Variants in NPFFR1 observed in about 807,000 individuals in gnomAD.
NPFFR1 encodes neuropeptide FF receptor 1, also known as G-protein coupled receptor 147.
A neutral mutation model predicts 12.7 loss-of-function variants in NPFFR1; 17 were observed. That is an observed-to-expected ratio of 1.34 (90% confidence interval 0.92 to 2.01). The LOEUF (loss-of-function observed/expected upper bound fraction) is 2.01, where lower values mean the gene tolerates loss of function less well. Ranked by LOEUF, NPFFR1 falls within the 30% of genes most tolerant of loss-of-function variation. NPFFR1 has a pLI of 0.00. For missense variants in NPFFR1, 604 were observed against 606.5 expected (o/e 1.00, Z 0.04); for synonymous variants, 296 against 264.5 (o/e 1.12, Z -1.16).
chr10:70,282,165 T>C (rs1840870510), intron 1 of NPFFR1, among the ~76,000 whole-genome samples: 1 of 152,224 alleles, frequency 6.6e-6, no homozygotes, highest in Non-Finnish European at 1.5e-5. Flanking sequence ...AGTGAGCTCA[T>C]TGTAGGTAAC....
intron 1 of NPFFR1, among the ~76,000 whole-genome samples, chr10:70,279,229 C>A (rs1840834658): frequency 6.6e-6 from 1 of 152,140 alleles, no homozygotes; most frequent in Non-Finnish European, 1.5e-5. Context: ...TCACTGCAAC[C>A]TCCGCCTCCC....
At chr10:70,266,049 A>G (rs761112690) in intron 2 of NPFFR1, 28 bp downstream of exon 2, 2 of 1,599,758 alleles carry the variant, frequency 1.3e-6, no homozygotes, top group African/African-American at 1.3e-5. Flanking sequence ...GGTAGGGGAC[A>G]CTCCTGCTGC....
At chr10:70,275,432 A>G (rs1564597435) in intron 1 of NPFFR1, among the ~76,000 whole-genome samples, 1 of 152,200 alleles carries the variant, frequency 6.6e-6, no homozygotes, top group Non-Finnish European at 1.5e-5. Context: ...AAGGGGAGGC[A>G]GGGATTTCCC....
At chr10:70,272,679 G>A (rs1840762880) in intron 1 of NPFFR1, among the ~76,000 whole-genome samples, 1 of 152,216 alleles carries the variant, frequency 6.6e-6, no homozygotes, top group African/African-American at 2.4e-5. Context: ...TATTCAATAA[G>A]GGCCAGAGCA....
At chr10:70,269,582 G>C (rs1424445936) in intron 1 of NPFFR1, among the ~76,000 whole-genome samples, 1 of 149,434 alleles carries the variant, frequency 6.7e-6, no homozygotes, top group Non-Finnish European at 1.5e-5. Flanking sequence ...TTCGATCTTG[G>C]CTCACTGCAA....
At chr10:70,260,515 G>A (rs1840620493) in intron 3 of NPFFR1, 125 bp downstream of exon 3, 1 of 857,270 alleles carries the variant, frequency 1.2e-6, no homozygotes, top group East Asian at 2.7e-5. Context: ...TTGTGGCTCA[G>A]GATTTAGCCC....
In NPFFR1 at chr10:70,255,274, G is replaced by A; in HGVS notation, c.976C>T (p.Pro326Ser). 5 of 1,578,060 alleles carry A rather than the reference G, an allele frequency of 3.2e-6. No homozygotes were observed. In the South Asian group the frequency reaches 5.7e-5, roughly 18 times the overall value. ...WLAFFNSSAN[P>S]IIYGYFNENF... ...TCGTTGAAGTAGCCGTAGATGATGG[G>A]GTTGGCGCTGCTGTTGAAGAAGGCC... Residue 326 changes from proline (P) to serine (S), a missense_variant, in exon 4 of 4, where the codon CCC becomes TCC. By Grantham distance (74) the Pro-to-Ser change is moderately conservative. Coordinates refer to ENST00000277942, the MANE Select transcript of NPFFR1 (RefSeq NM_022146.5). This position sits in a 1 kb window ranked among gnomAD's most constrained non-coding sequence, Gnocchi z 4.2.
intron 3 of NPFFR1, among the ~76,000 whole-genome samples, chr10:70,256,427 A>C (rs1200837672): frequency 2.0e-5 from 3 of 152,194 alleles, no homozygotes; most frequent in Non-Finnish European, 4.4e-5. Flanking sequence ...CAGCTAGCAG[A>C]GCGATCAGAG....
intron 1 of NPFFR1, among the ~76,000 whole-genome samples, chr10:70,280,154 G>A (rs1840844402): frequency 6.6e-6 from 1 of 152,142 alleles, no homozygotes. Flanking sequence ...TGATTCCATA[G>A]CCTGGCTATT....
chr10:70,266,311 G>C lies in NPFFR1; in HGVS notation c.88C>G (p.Leu30Val), dbSNP rs774519628. The stretch of plus-strand genomic sequence containing the variant: ...TGCTGATAGTAGGAGGAGAAGGTGA[G>C]GTTTGTAGCCGGGGTGGCCTCAGTG... ...TNTEATPATN[L>V]TFSSYYQHTS... The change falls in exon 2 of 4, where the codon CTC becomes GTC. Residue 30 changes from leucine (L) to valine (V), a missense_variant. Coordinates refer to ENST00000277942, the MANE Select transcript of NPFFR1 (RefSeq NM_022146.5). 1.9e-6 allele frequency: 3 copies of C among 1,613,662 alleles called. No individual in the cohort carries two copies. The highest frequency in any genetic ancestry group is 2.5e-6 in the Non-Finnish European group (3 of 1,179,808).
chr10:70,282,717 A>T (rs2136814319), intron 1 of NPFFR1, among the ~76,000 whole-genome samples: 1 of 152,262 alleles, frequency 6.6e-6, no homozygotes, highest in South Asian at 2.1e-4. Context: ...ATGGGTGACC[A>T]GTGGCACAGA....
chr10:70,262,871 C>T (rs1029424958), intron 2 of NPFFR1, among the ~76,000 whole-genome samples: 1 of 152,162 alleles, frequency 6.6e-6, no homozygotes, highest in African/African-American at 2.4e-5. Flanking sequence ...CAGATCTTGG[C>T]TTCTAAATAC....
rs1472914670 is a variant in NPFFR1 at position 70,283,662 on chromosome 10, C to T, written c.7+8G>A. 6.5e-6 allele frequency: 10 copies of T among 1,535,472 alleles called. No individual in the cohort carries two copies. Among genetic ancestry groups the T allele is most frequent in the Non-Finnish European group, 8.7e-6 (10 of 1,146,508 alleles). On this transcript the variant is annotated splice_region_variant and intron_variant, in intron 1 of 3. Coordinates refer to ENST00000277942, the MANE Select transcript of NPFFR1 (RefSeq NM_022146.5). ...CCACGGCTGGCCCCCAGCCCCAGGACCACTCACCCTCCATGATGCCCCCAG... is the reference window on the plus strand; with the variant it reads ...CCACGGCTGGCCCCCAGCCCCAGGATCACTCACCCTCCATGATGCCCCCAG...
rs1840887796 is a variant in NPFFR1 at position 70,283,861 on chromosome 10, C to G, written c.-185G>C. ...GGGCGTGCGCTCCCAGGCCCCGGGC[C>G]CTGGCCGGTTTCCCTCCCCTCGGGC... is the stretch of plus-strand genomic sequence containing the variant. On this transcript the variant is annotated 5_prime_UTR_variant, in exon 1 of 4. Coordinates refer to ENST00000277942, the MANE Select transcript of NPFFR1 (RefSeq NM_022146.5). Among the ~76,000 whole-genome samples, 1 of 152,204 alleles carries G rather than the reference C, an allele frequency of 6.6e-6. No homozygotes were observed. Among genetic ancestry groups the G allele is most frequent in the Non-Finnish European group, 1.5e-5 (1 of 68,016 alleles).
rs1424831073 is a variant in NPFFR1, at chr10:70,252,718, A to ATCTC, written c.*2238_*2239insGAGA. ...TATGTTAATTGTAACCTTCAGCGAGAGCTGAAGGAGTTTTTTGGGCAGTTA... is the reference window on the plus strand; with the variant it reads ...TATGTTAATTGTAACCTTCAGCGAGATCTCGCTGAAGGAGTTTTTTGGGCAGTTA... On this transcript the variant is annotated 3_prime_UTR_variant, in exon 4 of 4. Transcript: ENST00000277942. The ATCTC allele has an allele frequency of 1.3e-5, 2 of 152,212 alleles. No homozygotes were observed. The highest frequency in any genetic ancestry group is 2.9e-5 in the Non-Finnish European group (2 of 68,042). The allele number at this position is 152,212 out of a possible 1,614,324, so 9.4% of individuals were successfully genotyped here.
chr10:70,279,282 G>C (rs1337175644), intron 1 of NPFFR1, among the ~76,000 whole-genome samples: 1 of 152,080 alleles, frequency 6.6e-6, no homozygotes, highest in Non-Finnish European at 1.5e-5. Flanking sequence ...AAGTAGCTGG[G>C]ATTACAGATG....
At chr10:70,259,518 C>A (rs1372939552) in intron 3 of NPFFR1, among the ~76,000 whole-genome samples, 1 of 151,920 alleles carries the variant, frequency 6.6e-6, no homozygotes, top group Non-Finnish European at 1.5e-5. Context: ...AAACAAAGGT[C>A]GATGAAGGGA....
At chr10:70,263,140 C>T (rs1460562873) in intron 2 of NPFFR1, among the ~76,000 whole-genome samples, 1 of 152,078 alleles carries the variant, frequency 6.6e-6, no homozygotes, top group Non-Finnish European at 1.5e-5. Context: ...GCACTCCAGC[C>T]TTGGTGACAG....
intron 3 of NPFFR1, among the ~76,000 whole-genome samples, chr10:70,258,350 T>C (rs1200935327): frequency 6.6e-6 from 1 of 150,778 alleles, no homozygotes; most frequent in East Asian, 1.9e-4. Context: ...CAACCAGAGT[T>C]GAAAACAGCT....
Sources: allele counts gnomAD v4.1 joint callset (sites outside exome capture counted in the v4.1 genomes callset), GRCh38; gene constraint gnomAD v4.1.1; non-coding constraint Gnocchi (gnomAD v3.1); transcripts MANE v1.5; gene names NCBI Gene and HGNC (gene_info 2026-07-23, HGNC 2026-07-21).